Variants in PRKN observed in about 807,000 individuals in gnomAD.
PRKN encodes E3 ubiquitin-protein ligase parkin.
A neutral mutation model predicts 59.5 loss-of-function variants in PRKN; 56 were observed. The observed-to-expected ratio is 0.94, with a 90% CI of 0.76 to 1.18. PRKN has a LOEUF of 1.18. Among genes scored for constraint, PRKN ranks in the 50% most tolerant of loss-of-function variants. The probability of loss-of-function intolerance (pLI) is 0.00; values close to 1 mark genes in which losing one functional copy is unlikely to be tolerated. For synonymous variants in PRKN, 250 were observed against 222.1 expected, an observed-to-expected ratio of 1.13 and a Z score of -1.12; for missense variants, 657 against 596.4, an observed-to-expected ratio of 1.10 and a Z score of -1.06.
At chr6:162,063,980 C>T (rs928713209) in intron 4 of PRKN, among the ~76,000 whole-genome samples, 6 of 152,216 alleles carry the variant, frequency 3.9e-5, no homozygotes, top group African/African-American at 9.6e-5. Context: ...TCTAACATCA[C>T]AGCCTTACTC....
chr6:162,643,781 CTTT>C (rs1345936438), intron 1 of PRKN: 1 of 151,992 alleles, frequency 6.6e-6, no homozygotes, highest in Non-Finnish European at 1.5e-5. Context: ...TTTGCTGAAG[CTTT>C]TTGTCTTCTG....
intron 4 of PRKN, among the ~76,000 whole-genome samples, chr6:162,115,588 A>G (rs1303041776): frequency 6.6e-6 from 1 of 151,768 alleles, no homozygotes; most frequent in African/African-American, 2.4e-5. Flanking sequence ...ATTTTAAAAT[A>G]TTTCCCAAGT....
chr6:161,879,446 C>G (rs1461614910), intron 6 of PRKN, among the ~76,000 whole-genome samples: 1 of 147,390 alleles, frequency 6.8e-6, no homozygotes, highest in Non-Finnish European at 1.5e-5. Context: ...CTTCCAGGTT[C>G]AAGCAATTCT....
At chr6:162,695,507 T>G (rs910362194) in intron 1 of PRKN, among the ~76,000 whole-genome samples, 4 of 152,170 alleles carry the variant, frequency 2.6e-5, no homozygotes, top group Non-Finnish European at 5.9e-5. Context: ...AAACATTATA[T>G]ATCTTTACTT....
Position 162,500,687 on chromosome 6 carries a change from C to T in PRKN, c.8-57214G>A, listed in dbSNP as rs534115361. Among the ~76,000 whole-genome samples the T allele has an allele frequency of 1.5e-4, 23 of 152,252 alleles. No homozygotes were observed. In the South Asian group the frequency reaches 4.3e-3, roughly 29 times the overall value. On this transcript the variant is annotated intron_variant, in intron 1 of 11. Transcript: ENST00000366898. The stretch of plus-strand genomic sequence containing the variant: ...CAAAGAACTAAATAAGGCATGCTAA[C>T]AAATAGATTGGCTGGTGAATCCTTA...
intron 6 of PRKN, among the ~76,000 whole-genome samples, chr6:161,881,588 C>G (rs1190984149): frequency 6.6e-6 from 1 of 152,020 alleles, no homozygotes; most frequent in African/African-American, 2.4e-5. Flanking sequence ...GTACAATCCC[C>G]ATGGGTCTGA....
intron 1 of PRKN, among the ~76,000 whole-genome samples, chr6:162,704,403 C>A (rs1310557110): frequency 6.6e-6 from 1 of 152,172 alleles, no homozygotes; most frequent in Non-Finnish European, 1.5e-5. Context: ...GAAACCAGGT[C>A]ATCACCAATC....
chr6:161,669,383 C>T (rs1335191609), intron 7 of PRKN, among the ~76,000 whole-genome samples: 1 of 152,228 alleles, frequency 6.6e-6, no homozygotes, highest in East Asian at 1.9e-4. Context: ...ATCCAATTTG[C>T]ACACAGGGGT....
Position 162,111,892 on chromosome 6 carries a change from T to C in PRKN, c.535-57718A>G, listed in dbSNP as rs111735751. ...TAACTCAACAGAATTCTACCACCAA[T>C]TGTTGAATCCAAAGTTTCGTTCCAA... On this transcript the variant is annotated intron_variant, in intron 4 of 11. Transcript: ENST00000366898. 4.8e-3 allele frequency among the ~76,000 whole-genome samples: 733 copies of C among 152,342 alleles called. 4 individuals carry two copies. The highest frequency in any genetic ancestry group is 7.2e-3 in the Non-Finnish European group (488 of 68,038).
At chr6:161,834,409 T>TA (rs888570756) in intron 6 of PRKN, among the ~76,000 whole-genome samples, 3 of 151,992 alleles carry the variant, frequency 2.0e-5, no homozygotes, top group Admixed American at 2.0e-4. Flanking sequence ...AAGACTAGAG[T>TA]ACACAGCCCT....
intron 9 of PRKN, among the ~76,000 whole-genome samples, chr6:161,500,851 T>C (rs1472093867): frequency 6.6e-6 from 1 of 151,062 alleles, no homozygotes; most frequent in Non-Finnish European, 1.5e-5. Flanking sequence ...ATGGTAAGCG[T>C]ATGTTTAGTT....
chr6:162,545,830 T>C (rs1339114699), intron 1 of PRKN, among the ~76,000 whole-genome samples: 2 of 152,094 alleles, frequency 1.3e-5, no homozygotes, highest in East Asian at 1.9e-4. Flanking sequence ...CTCCTCCGAA[T>C]TGGTAATTGG....
At chr6:162,471,905 T>G (rs1218994296) in intron 1 of PRKN, among the ~76,000 whole-genome samples, 1 of 152,228 alleles carries the variant, frequency 6.6e-6, no homozygotes, top group Non-Finnish European at 1.5e-5. Context: ...ATCTTTTTGG[T>G]CTGTCCTCCG....
chr6:161,870,649 G>C (rs1794305584), intron 6 of PRKN, among the ~76,000 whole-genome samples: 1 of 152,094 alleles, frequency 6.6e-6, no homozygotes, highest in South Asian at 2.1e-4. Context: ...AAATATATCA[G>C]TAGAGCTATT....
In PRKN at chr6:161,407,342, G is replaced by C. The variant is rs1044923520; in HGVS notation, c.1084-20465C>G. Among the ~76,000 whole-genome samples, 1 of 151,946 alleles carries C rather than the reference G, an allele frequency of 6.6e-6. No homozygotes were observed. Among genetic ancestry groups the C allele is most frequent in the Non-Finnish European group, 1.5e-5 (1 of 67,994 alleles). On this transcript the variant is annotated intron_variant, in intron 9 of 11. Coordinates refer to ENST00000366898, the MANE Select transcript of PRKN (RefSeq NM_004562.3). The surrounding 1 kb of genome is among the most constrained non-coding windows in gnomAD (Gnocchi z 4.9). The stretch of plus-strand genomic sequence containing the variant: ...GCTGAAAAGGGAGGGGCTGGGGAAG[G>C]GGGCAGCTGCACTCGGTGGGAGGCT...
chr6:161,386,702 A>G lies in PRKN; in HGVS notation c.1167+92T>C, dbSNP rs564189761. The G allele has an allele frequency of 6.0e-5, 61 of 1,012,910 alleles. No individual in the cohort carries two copies. The South Asian group carries it at 6.3e-4, about 10-fold the overall frequency. The allele number at this position is 1,012,910 out of a possible 1,614,324, so 62.7% of individuals were successfully genotyped here. A position where few individuals can be genotyped will look rare whatever the true frequency, so the allele number is the denominator to read the frequency against. On this transcript the variant is annotated intron_variant, in intron 10 of 11. Transcript: ENST00000366898. This position sits in a 1 kb window ranked among gnomAD's most constrained non-coding sequence, Gnocchi z 4.3. Reference sequence around the variant, plus strand: ...CTACCAGTCTGCTTCTTGCTTTTTTAGAATGGAACTCTCCATGACCTCCAG... The same window carrying G: ...CTACCAGTCTGCTTCTTGCTTTTTTGGAATGGAACTCTCCATGACCTCCAG...
intron 8 of PRKN, among the ~76,000 whole-genome samples, chr6:161,567,356 T>A (rs1230267977): frequency 6.6e-6 from 1 of 152,132 alleles, no homozygotes; most frequent in African/African-American, 2.4e-5. Flanking sequence ...GTGCTGTCCT[T>A]TTTCATTTCC....
intron 2 of PRKN, among the ~76,000 whole-genome samples, chr6:162,331,104 C>T (rs1015780160): frequency 9.2e-5 from 14 of 151,852 alleles, no homozygotes; most frequent in East Asian, 1.9e-4. Flanking sequence ...CAAGGCAGGC[C>T]GATCACTTGA....
chr6:162,082,639 A>G (rs1187535788), intron 4 of PRKN, among the ~76,000 whole-genome samples: 1 of 152,114 alleles, frequency 6.6e-6, no homozygotes, highest in East Asian at 1.9e-4. Context: ...TTGGCTTTCA[A>G]CATGCCTTCC....
Sources: gnomAD v4.1 joint callset for allele counts (sites outside exome capture counted in the v4.1 genomes callset) on GRCh38, gnomAD v4.1.1 for gene constraint, Gnocchi (gnomAD v3.1) non-coding constraint, MANE v1.5 for transcripts, NCBI Gene and HGNC (gene_info 2026-07-23, HGNC 2026-07-21) for gene names.